GUF1: variants seen among roughly 807,000 people sequenced by gnomAD.
GUF1 encodes GTP binding elongation factor GUF1.
A neutral mutation model predicts 82.4 loss-of-function variants in GUF1; 78 were observed. The observed-to-expected ratio is 0.95, with a 90% CI of 0.79 to 1.14. The LOEUF is 1.14. GUF1 is among the 50% of genes most tolerant of loss of function. The pLI is 0.00. For missense variants in GUF1, 814 were observed against 798.2 expected (o/e 1.02, Z -0.24); for synonymous variants, 279 against 282.3 (o/e 0.99, Z 0.12).
chr4:44,683,255 T>C lies in GUF1; in HGVS notation c.606T>C (p.Asp202=). The change falls in exon 6 of 17, where the codon GAT becomes GAC. Residue 202 remains aspartate (D), a synonymous_variant. Transcript: ENST00000281543. ...VINKIDLKNA[D]PERVENQIEK... is the part of the protein sequence containing the mutation. ...TAAAGATAGATCTGAAGAATGCTGATCCTGAAAGGGTTGAAAACCAAATTG... is the reference window on the plus strand; with the variant it reads ...TAAAGATAGATCTGAAGAATGCTGACCCTGAAAGGGTTGAAAACCAAATTG... 1 of 1,584,186 alleles carries C rather than the reference T, an allele frequency of 6.3e-7. No individual in the cohort carries two copies. The highest frequency in any genetic ancestry group is 8.6e-7 in the Non-Finnish European group (1 of 1,165,238).
intron 14 of GUF1, among the ~76,000 whole-genome samples, chr4:44,694,797 G>GT (rs35191289): frequency 0.53 from 79,651 of 150,876 alleles, 22,373 homozygotes; most frequent in Non-Finnish European, 0.64. Context: ...TTGGGAACAA[G>GT]TTTTTTTGTT....
At position 44,691,801 on chromosome 4, in the gene GUF1, T is replaced by TA. The variant is rs754689667; in HGVS notation, c.1613+9dup. 1.9e-6 allele frequency: 3 copies of TA among 1,574,316 alleles called. No homozygotes were observed. Among genetic ancestry groups the TA allele is most frequent in the Non-Finnish European group, 2.6e-6 (3 of 1,164,168 alleles). On this transcript the variant is annotated splice_region_variant and intron_variant, in intron 13 of 16. Transcript: ENST00000281543. The stretch of plus-strand genomic sequence containing the variant: ...ATCCCTATCTTCTGGATATGCTAGG[T>TA]AAAAAAATAATGAGAACCTAAGATG...
chr4:44,679,223 ATC>A (rs1714626394), intron 1 of GUF1, among the ~76,000 whole-genome samples: 2 of 152,176 alleles, frequency 1.3e-5, no homozygotes, highest in Admixed American at 6.5e-5. Context: ...CTGATCAAAC[ATC>A]CAGTGGCTAA....
chr4:44,679,979 A>G (rs1714670125), intron 1 of GUF1, among the ~76,000 whole-genome samples: 1 of 152,196 alleles, frequency 6.6e-6, no homozygotes, highest in South Asian at 2.1e-4. Flanking sequence ...AATTGTATTT[A>G]AAATAAAATT....
chr4:44,689,830 T>G lies in GUF1; in HGVS notation c.1203-13T>G. The G allele has an allele frequency of 6.3e-7, 1 of 1,592,314 alleles. No individual in the cohort carries two copies. Among genetic ancestry groups the G allele is most frequent in the Non-Finnish European group, 8.6e-7 (1 of 1,166,834 alleles). Reference sequence around the variant, plus strand: ...GACATAAACATTTTGGAGTTTGTCTTTTCCTCCCCCAGGCTAGGATTTCTT... The same window carrying G: ...GACATAAACATTTTGGAGTTTGTCTGTTCCTCCCCCAGGCTAGGATTTCTT... On this transcript the variant is annotated splice_polypyrimidine_tract_variant and intron_variant, in intron 10 of 16. Coordinates refer to ENST00000281543, the MANE Select transcript of GUF1 (RefSeq NM_021927.3).
In GUF1 at chr4:44,694,272, A is replaced by G. The variant is rs138908403; in HGVS notation, c.1614-140A>G. 3,137 of 638,382 alleles carry G rather than the reference A, an allele frequency of 4.9e-3. 16 individuals carry two copies. The highest frequency in any genetic ancestry group is 7.0e-3 in the Non-Finnish European group (2,512 of 357,306). 39.5% of individuals were successfully genotyped at this position (638,382 alleles called of 1,614,324 possible). ...TTTAGATCCATTCACAAGAAACTGT[A>G]TATGTAATATTTTGATGGAAACATA... On this transcript the variant is annotated intron_variant, in intron 13 of 16. Coordinates refer to ENST00000281543, the MANE Select transcript of GUF1 (RefSeq NM_021927.3).
chr4:44,696,431 C>A (rs927342710), intron 15 of GUF1, among the ~76,000 whole-genome samples: 8 of 151,992 alleles, frequency 5.3e-5, no homozygotes, highest in African/African-American at 1.9e-4. Flanking sequence ...TAACAAAAAC[C>A]CAAAAATAAC....
chr4:44,694,608 A>C (rs1044019537), intron 14 of GUF1, 95 bp downstream of exon 14: 13 of 743,640 alleles, frequency 1.7e-5, no homozygotes, highest in Non-Finnish European at 6.7e-6. Context: ...AAAAACTTCT[A>C]AGGTAATTAA....
chr4:44,680,961 C>G (rs766504705), intron 3 of GUF1, 119 bp downstream of exon 3: 123 of 1,115,752 alleles, frequency 1.1e-4, no homozygotes, highest in Non-Finnish European at 1.4e-4. Flanking sequence ...TTTTTGTTTT[C>G]TCAGTGTTCT....
intron 9 of GUF1, among the ~76,000 whole-genome samples, chr4:44,688,371 G>A (rs1560344647): frequency 6.6e-6 from 1 of 151,894 alleles, no homozygotes; most frequent in Non-Finnish European, 1.5e-5. Flanking sequence ...TCTTGAGGAA[G>A]AAGCTGTGAT....
Position 44,690,767 on chromosome 4 carries a change from T to C in GUF1, c.1386T>C (p.Asp462=). The C allele has an allele frequency of 1.3e-6, 2 of 1,597,800 alleles. No homozygotes were observed. The highest frequency in any genetic ancestry group is 1.7e-6 in the Non-Finnish European group (2 of 1,166,684). ...ITIINPAQFP[D]KSKVTEYLEP... ...TTATCAATCCTGCACAATTCCCCGA[T>C]AAATCAAAAGTAACAGAATATTTGG... The change falls in exon 12 of 17, where the codon GAT becomes GAC. Residue 462 remains aspartate, a synonymous_variant. Coordinates refer to ENST00000281543, the MANE Select transcript of GUF1 (RefSeq NM_021927.3).
chr4:44,689,909 T>C lies in GUF1; in HGVS notation c.1269T>C (p.Ala423=), dbSNP rs745994645. The change falls in exon 11 of 17, where the codon GCT becomes GCC. Residue 423 remains alanine (A), a synonymous_variant. Transcript: ENST00000281543. ...AGCGACTGGAGCAAGAATATAATGC[T>C]TCTGTTATTTTAACAACCCCTACTG... ...FNQRLEQEYN[A]SVILTTPTVP... 9 of 1,608,848 alleles carry C rather than the reference T, an allele frequency of 5.6e-6. No homozygotes were observed. The highest frequency in any genetic ancestry group is 7.7e-6 in the Non-Finnish European group (9 of 1,176,228).
At position 44,678,540 on chromosome 4, in the gene GUF1, T is replaced by C; in HGVS notation, c.-83T>C. 2 of 1,150,858 alleles carry C rather than the reference T, an allele frequency of 1.7e-6. No homozygotes were observed. The highest frequency in any genetic ancestry group is 2.3e-6 in the Non-Finnish European group (2 of 864,936). 71.3% of individuals were successfully genotyped at this position (1,150,858 alleles called of 1,614,324 possible). On this transcript the variant is annotated 5_prime_UTR_variant, in exon 1 of 17. Transcript: ENST00000281543. ...TGTTTGAGTCCTGTCCACCGGATCC[T>C]ACGGGGGGTACCTTCGAAAAAAAAC...
intron 8 of GUF1, 56 bp downstream of exon 8, chr4:44,686,769 C>A: frequency 8.4e-7 from 1 of 1,187,682 alleles, no homozygotes; most frequent in South Asian, 1.3e-5. Context: ...TCTATTTCTG[C>A]ATTTTTCTCA....
At position 44,680,768 on chromosome 4, in the gene GUF1, G is replaced by A. The variant is rs769575943; in HGVS notation, c.352G>A (p.Val118Ile). 6.2e-7 allele frequency: 1 copy of A among 1,612,070 alleles called. No individual in the cohort carries two copies. The highest frequency in any genetic ancestry group is 8.5e-7 in the Non-Finnish European group (1 of 1,178,508). ...AGTGGAACGAGAAAGAGGAATCACTGTTAAAGCACAGACAGCATCTCTCTT... is the reference window on the plus strand; with the variant it reads ...AGTGGAACGAGAAAGAGGAATCACTATTAAAGCACAGACAGCATCTCTCTT... The part of the protein sequence containing the change: ...LQVERERGIT[V>I]KAQTASLFYN... The change falls in exon 3 of 17, where the codon GTT becomes ATT. Residue 118 changes from valine to isoleucine, a missense_variant. By Grantham distance (29) the Val-to-Ile change is conservative (BLOSUM62 3). Transcript: ENST00000281543.
chr4:44,683,206 C>G (rs947678559), intron 5 of GUF1, 29 bp from the exon 6 acceptor site: 2 of 435,786 alleles, frequency 4.6e-6, no homozygotes, highest in African/African-American at 5.4e-5. Context: ...CTTTATTATA[C>G]TTCACATAAT....
In GUF1 at chr4:44,678,426, C is replaced by G; in HGVS notation, c.-197C>G. ...ACGACAGCGTGCGGCGTGCAGACGT[C>G]GGCAAGCTGCGCCGCCGCTTCGGGT... On this transcript the variant is annotated 5_prime_UTR_variant, in exon 1 of 17. Transcript: ENST00000281543. The G allele has an allele frequency of 2.1e-6, 1 of 484,448 alleles. No individual in the cohort carries two copies. The highest frequency in any genetic ancestry group is 3.5e-6 in the Non-Finnish European group (1 of 283,932). The allele number at this position is 484,448 out of a possible 1,614,324, so 30.0% of individuals were successfully genotyped here.
Position 44,686,027 on chromosome 4 carries a change from A to G in GUF1, c.734+4A>G, listed in dbSNP as rs1467164870. On this transcript the variant is annotated splice_donor_region_variant and intron_variant, in intron 7 of 16. Coordinates refer to ENST00000281543, the MANE Select transcript of GUF1 (RefSeq NM_021927.3). ...CAATTATTGAAAGAATCCCCCCGTGAGTATTTGGTGATTTTTGTACTAGTT... is the reference window on the plus strand; with the variant it reads ...CAATTATTGAAAGAATCCCCCCGTGGGTATTTGGTGATTTTTGTACTAGTT... 1 of 1,593,530 alleles carries G rather than the reference A, an allele frequency of 6.3e-7. No homozygotes were observed. Among genetic ancestry groups the G allele is most frequent in the Non-Finnish European group, 8.6e-7 (1 of 1,162,708 alleles).
At position 44,699,012 on chromosome 4, in the gene GUF1, G is replaced by A. The variant is rs1716040295; in HGVS notation, c.*331G>A. 5.3e-6 allele frequency: 1 copy of A among 187,412 alleles called. No individual in the cohort carries two copies. Among genetic ancestry groups the A allele is most frequent in the Non-Finnish European group, 1.1e-5 (1 of 91,346 alleles). 11.6% of individuals were successfully genotyped at this position (187,412 alleles called of 1,614,324 possible). A position where few individuals can be genotyped will look rare whatever the true frequency, so the allele number is the denominator to read the frequency against. ...GGTAATACGTTAAATATTCAGAGGT[G>A]CAAGACACATAGTAAGCACTCAATT... On this transcript the variant is annotated 3_prime_UTR_variant, in exon 17 of 17. Transcript: ENST00000281543.
Sources: allele counts gnomAD v4.1 joint callset (sites outside exome capture counted in the v4.1 genomes callset), GRCh38; gene constraint gnomAD v4.1.1; transcripts MANE v1.5; gene names NCBI Gene and HGNC (gene_info 2026-07-23, HGNC 2026-07-21).